Variants in CDH20 observed in about 807,000 individuals in gnomAD.
CDH20 encodes the protein cadherin-20.
In CDH20, 29 loss-of-function variants were observed where a neutral mutation model predicts 74.2. That is an observed-to-expected ratio of 0.39 (90% CI 0.29 to 0.53). The LOEUF (loss-of-function observed/expected upper bound fraction) is 0.53, where lower values mean the gene tolerates loss of function less well. Ranked by LOEUF, CDH20 falls within the 20% of genes least tolerant of loss-of-function variation. The pLI is 0.69. For missense variants in CDH20, 988 were observed against 1,048.3 expected (o/e 0.94, Z 0.79); for synonymous variants, 469 against 405.4 (o/e 1.16, Z -1.88).
intron 1 of CDH20, among the ~76,000 whole-genome samples, chr18:61,398,576 A>T (rs898053797): frequency 6.6e-6 from 1 of 152,212 alleles, no homozygotes; most frequent in Non-Finnish European, 1.5e-5. Flanking sequence ...AAAATGTAAG[A>T]TATTTAAGAA....
intron 1 of CDH20, among the ~76,000 whole-genome samples, chr18:61,335,712 CA>C (rs1156675714): frequency 6.6e-6 from 1 of 151,906 alleles, no homozygotes; most frequent in African/African-American, 2.4e-5. Flanking sequence ...ATTTTGTATC[CA>C]AAAAAATACT....
At chr18:61,450,826 C>T (rs553215345) in intron 1 of CDH20, among the ~76,000 whole-genome samples, 23 of 152,158 alleles carry the variant, frequency 1.5e-4, no homozygotes, top group African/African-American at 5.5e-4. Context: ...TTAATGTTCA[C>T]TTTGTATTCC....
intron 1 of CDH20, among the ~76,000 whole-genome samples, chr18:61,391,288 GC>G (rs1911770736): frequency 6.6e-6 from 1 of 152,126 alleles, no homozygotes; most frequent in Non-Finnish European, 1.5e-5. Flanking sequence ...CTATTAGCCA[GC>G]TAAAATTAAA....
rs78898944 is a variant in CDH20 at position 61,338,910 on chromosome 18, T to C, written c.-153+5083T>C. On this transcript the variant is annotated intron_variant, in intron 1 of 11. Coordinates refer to ENST00000262717, the MANE Select transcript of CDH20 (RefSeq NM_031891.4). ...CTCCTGACTAGAATCTTGCTCATAA[T>C]AGATTCTTTAAAAATATGTGTTGAT... is the stretch of plus-strand genomic sequence containing the variant. Among the ~76,000 whole-genome samples the C allele has an allele frequency of 9.5e-3, 1,445 of 152,304 alleles. 22 individuals are homozygous for C. The highest frequency in any genetic ancestry group is 0.033 in the African/African-American group (1,385 of 41,568).
chr18:61,486,329 A>G (rs191422663), intron 1 of CDH20, among the ~76,000 whole-genome samples: 73 of 152,178 alleles, frequency 4.8e-4, no homozygotes, highest in African/African-American at 1.7e-3. Flanking sequence ...CACTCGAACT[A>G]TTTTCTTTAT....
At chr18:61,371,667 G>A (rs1911044853) in intron 1 of CDH20, among the ~76,000 whole-genome samples, 1 of 151,956 alleles carries the variant, frequency 6.6e-6, no homozygotes, top group Non-Finnish European at 1.5e-5. Flanking sequence ...CTCAAGAAAG[G>A]CTAATAAATG....
At position 61,550,136 on chromosome 18, in the gene CDH20, G is replaced by A. The variant is rs201772635; in HGVS notation, c.1807G>A (p.Val603Ile). ...GTGCAGCTGTGATGACGACGGCCAC[G>A]TCATGTCCTGCAGCCCAGAGGCCTA... is the stretch of plus-strand genomic sequence containing the variant. ...QVCSCDDDGH[V>I]MSCSPEAYML... Residue 603 changes from valine (V) to isoleucine (I), a missense_variant, in exon 11 of 12, where the codon GTC (valine) becomes ATC (isoleucine). By Grantham distance (29) the Val-to-Ile change is conservative. Coordinates refer to ENST00000262717, the MANE Select transcript of CDH20 (RefSeq NM_031891.4). 113 of 1,614,210 alleles carry A rather than the reference G, an allele frequency of 7.0e-5. No individual in the cohort carries two copies. The highest frequency in any genetic ancestry group is 1.8e-4 in the Admixed American group (11 of 60,032).
At chr18:61,519,656 A>G (rs1912120883) in intron 6 of CDH20, among the ~76,000 whole-genome samples, 1 of 151,288 alleles carries the variant, frequency 6.6e-6, no homozygotes, top group Non-Finnish European at 1.5e-5. Context: ...GGTACCAGCC[A>G]CTGCAAAAAC....
chr18:61,423,147 A>C (rs1294216950), intron 1 of CDH20, among the ~76,000 whole-genome samples: 4 of 152,238 alleles, frequency 2.6e-5, no homozygotes, highest in African/African-American at 9.6e-5. Flanking sequence ...GGAGGTCCCA[A>C]ATCACGTCAA....
At chr18:61,484,340 A>C (rs1455447505) in intron 1 of CDH20, among the ~76,000 whole-genome samples, 4 of 152,216 alleles carry the variant, frequency 2.6e-5, no homozygotes, top group Non-Finnish European at 5.9e-5. Context: ...AGCTTGATTA[A>C]AAGTGAAAAC....
Position 61,528,276 on chromosome 18 carries a change from A to T in CDH20, c.1271+56A>T. 3 of 1,559,548 alleles carry T rather than the reference A, an allele frequency of 1.9e-6. No homozygotes were observed. In the South Asian group the frequency reaches 3.5e-5, roughly 18 times the overall value. ...ATGCTGGAATCTTCCCTTCCCTTGT[A>T]TGTAATTTTCTAGCACTTTTCCCTT... On this transcript the variant is annotated intron_variant, in intron 7 of 11. Coordinates refer to ENST00000262717, the MANE Select transcript of CDH20 (RefSeq NM_031891.4).
intron 11 of CDH20, among the ~76,000 whole-genome samples, chr18:61,553,502 G>A (rs1913506447): frequency 6.6e-6 from 1 of 152,176 alleles, no homozygotes. Flanking sequence ...AAAGGCCACT[G>A]CTCATTCTCT....
chr18:61,531,532 A>G (rs1319110903), intron 7 of CDH20, among the ~76,000 whole-genome samples: 1 of 152,254 alleles, frequency 6.6e-6, no homozygotes, highest in Non-Finnish European at 1.5e-5. Context: ...AAACTTTAAA[A>G]GTAAATAACA....
intron 1 of CDH20, among the ~76,000 whole-genome samples, chr18:61,405,701 T>C (rs1490381063): frequency 1.3e-5 from 2 of 152,218 alleles, no homozygotes; most frequent in Non-Finnish European, 2.9e-5. Flanking sequence ...CCTGGATCGA[T>C]GTCAGCAGTA....
intron 1 of CDH20, among the ~76,000 whole-genome samples, chr18:61,394,865 CTCCA>C (rs1238863111): frequency 6.6e-6 from 1 of 151,908 alleles, no homozygotes. Context: ...CCCTGTCTCT[CTCCA>C]TCCACCCTCC....
chr18:61,443,467 C>A (rs1003608335), intron 1 of CDH20, among the ~76,000 whole-genome samples: 4 of 152,046 alleles, frequency 2.6e-5, no homozygotes, highest in African/African-American at 9.7e-5. Flanking sequence ...GGTATGCAGG[C>A]CAAAGAAAAC....
intron 2 of CDH20, among the ~76,000 whole-genome samples, chr18:61,498,134 T>TCA (rs1911235805): frequency 6.6e-6 from 1 of 152,146 alleles, no homozygotes; most frequent in Non-Finnish European, 1.5e-5. Flanking sequence ...GCGTGGTGAC[T>TCA]CACACCTATA....
At chr18:61,515,715 T>C (rs1911976438) in intron 6 of CDH20, among the ~76,000 whole-genome samples, 1 of 136,946 alleles carries the variant, frequency 7.3e-6, no homozygotes, top group Admixed American at 8.1e-5. Context: ...CACTCATAGG[T>C]AGAATTGAAC....
chr18:61,418,166 A>G (rs966979797), intron 1 of CDH20, among the ~76,000 whole-genome samples: 2 of 152,240 alleles, frequency 1.3e-5, no homozygotes, highest in African/African-American at 4.8e-5. Context: ...TTTTTAAAAC[A>G]TCTTTGGAAC....
Sources: gnomAD v4.1 joint callset for allele counts (sites outside exome capture counted in the v4.1 genomes callset) on GRCh38, gnomAD v4.1.1 for gene constraint, MANE v1.5 for transcripts, NCBI Gene and HGNC (gene_info 2026-07-23, HGNC 2026-07-21) for gene names.